The following TXNDC11 variants were observed in gnomAD, a reference collection of about 807,000 sequenced individuals.
The protein encoded by TXNDC11 is thioredoxin domain containing 11.
TXNDC11 carries 68 observed loss-of-function variants against 78.0 expected under a neutral mutation model. The ratio of observed to expected loss-of-function variants is 0.87; its 90% CI spans 0.72 to 1.07. The LOEUF is 1.07. TXNDC11 is among the 50% of genes least tolerant of loss of function. TXNDC11 has a pLI of 0.00. For missense variants in TXNDC11, 1,389 were observed against 1,221.8 expected (o/e 1.14, Z -2.04); for synonymous variants, 571 against 495.2 (o/e 1.15, Z -2.03).
At chr16:11,704,170 C>G (rs1281662365) in intron 5 of TXNDC11, among the ~76,000 whole-genome samples, 6 of 152,080 alleles carry the variant, frequency 3.9e-5, no homozygotes, top group African/African-American at 1.4e-4. Flanking sequence ...CAAGCTGAAG[C>G]CCTCCTAGTA....
chr16:11,742,738 T>G lies in TXNDC11; in HGVS notation c.-8A>C. 6.8e-7 allele frequency: 1 copy of G among 1,466,578 alleles called. No homozygotes were observed. The highest frequency in any genetic ancestry group is 8.9e-7 in the Non-Finnish European group (1 of 1,117,980). 90.8% of individuals were successfully genotyped at this position (1,466,578 alleles called of 1,614,324 possible). A position where few individuals can be genotyped will look rare whatever the true frequency, so the allele number is the denominator to read the frequency against. ...GCCTCCGCATTCCGACATTACATGCTCCCAGTCGCCGGCTTTATACCGCCG... is the reference window on the plus strand; with the variant it reads ...GCCTCCGCATTCCGACATTACATGCGCCCAGTCGCCGGCTTTATACCGCCG... On this transcript the variant is annotated 5_prime_UTR_variant, in exon 1 of 12. Coordinates refer to ENST00000283033, the MANE Select transcript of TXNDC11 (RefSeq NM_015914.7).
chr16:11,696,945 C>A (rs1031563812), intron 7 of TXNDC11, among the ~76,000 whole-genome samples: 1 of 152,174 alleles, frequency 6.6e-6, no homozygotes, highest in Non-Finnish European at 1.5e-5. Context: ...AGCCACACCA[C>A]CTTGACCGAA....
At chr16:11,734,906 A>G (rs992200634) in intron 2 of TXNDC11, among the ~76,000 whole-genome samples, 1 of 152,316 alleles carries the variant, frequency 6.6e-6, no homozygotes, top group East Asian at 1.9e-4. Flanking sequence ...GCTACAGTGC[A>G]TACGTAGGGC....
intron 10 of TXNDC11, among the ~76,000 whole-genome samples, 188 bp from the exon 11 acceptor site, chr16:11,684,433 C>G (rs966648645): frequency 1.3e-5 from 2 of 152,150 alleles, no homozygotes; most frequent in African/African-American, 4.8e-5. Context: ...CAACATTCTA[C>G]TACGTGGACG....
chr16:11,727,302 C>T (rs1438071836), intron 4 of TXNDC11, among the ~76,000 whole-genome samples: 2 of 150,518 alleles, frequency 1.3e-5, no homozygotes, highest in Non-Finnish European at 2.9e-5. Flanking sequence ...ATGTTACAAA[C>T]ATATCTAACA....
chr16:11,692,345 GTTAC>G (rs1429899264), intron 7 of TXNDC11: 1 of 396,524 alleles, frequency 2.5e-6, no homozygotes, highest in Non-Finnish European at 4.5e-6. Flanking sequence ...CTGCCAGCCT[GTTAC>G]TTAGTAGCCA....
chr16:11,726,224 CG>C (rs1567342157), intron 4 of TXNDC11, among the ~76,000 whole-genome samples: 4 of 42,996 alleles, frequency 9.3e-5, no homozygotes, highest in Non-Finnish European at 1.7e-4. Context: ...TAATGATTAG[CG>C]CAATGTGATA....
chr16:11,724,369 A>G (rs1039047958), intron 4 of TXNDC11, among the ~76,000 whole-genome samples: 1 of 152,212 alleles, frequency 6.6e-6, no homozygotes, highest in African/African-American at 2.4e-5. Flanking sequence ...TGATGTCCAA[A>G]CAATACTGAA....
intron 6 of TXNDC11, among the ~76,000 whole-genome samples, chr16:11,699,391 T>C (rs1021306006): frequency 2.0e-5 from 3 of 152,166 alleles, no homozygotes; most frequent in Non-Finnish European, 4.4e-5. Flanking sequence ...AAATGACAGA[T>C]AGCAAAAGCA....
intron 5 of TXNDC11, among the ~76,000 whole-genome samples, chr16:11,704,833 A>G (rs771332594): frequency 6.6e-6 from 1 of 152,112 alleles, no homozygotes; most frequent in Non-Finnish European, 1.5e-5. Flanking sequence ...AAAAACAGAC[A>G]CTAGTGGAAA....
At chr16:11,682,108 G>T (rs912585690) in intron 11 of TXNDC11, among the ~76,000 whole-genome samples, 3 of 152,196 alleles carry the variant, frequency 2.0e-5, no homozygotes, top group Non-Finnish European at 2.9e-5. Flanking sequence ...GCATAAGCAG[G>T]TGGACAATGA....
At chr16:11,731,778 A>T (rs2052059862) in intron 3 of TXNDC11, among the ~76,000 whole-genome samples, 1 of 152,182 alleles carries the variant, frequency 6.6e-6, no homozygotes, top group African/African-American at 2.4e-5. Flanking sequence ...GAATATTAGC[A>T]TGAAAAAAAG....
intron 3 of TXNDC11, among the ~76,000 whole-genome samples, chr16:11,733,479 A>G (rs1402892704): frequency 1.3e-5 from 2 of 151,806 alleles, no homozygotes; most frequent in East Asian, 1.9e-4. Flanking sequence ...GTGAGCGGAG[A>G]TCGCGCCACT....
chr16:11,705,328 G>C (rs2051151779), intron 5 of TXNDC11, among the ~76,000 whole-genome samples: 1 of 152,220 alleles, frequency 6.6e-6, no homozygotes, highest in Non-Finnish European at 1.5e-5. Flanking sequence ...TTTTCTCTAA[G>C]TATAGAATTA....
At chr16:11,702,727 T>C (rs1487031683) in intron 5 of TXNDC11, among the ~76,000 whole-genome samples, 3 of 152,110 alleles carry the variant, frequency 2.0e-5, no homozygotes, top group Non-Finnish European at 4.4e-5. Flanking sequence ...ACATCAAATA[T>C]TACCAAATTA....
intron 4 of TXNDC11, among the ~76,000 whole-genome samples, chr16:11,725,571 G>A (rs1049258198): frequency 6.6e-5 from 10 of 152,162 alleles, no homozygotes; most frequent in Non-Finnish European, 5.9e-5. Flanking sequence ...CTGGGCTGTC[G>A]TCCAGTCTCC....
intron 11 of TXNDC11, 37 bp downstream of exon 11, chr16:11,684,128 T>C: frequency 7.0e-7 from 1 of 1,420,884 alleles, no homozygotes; most frequent in South Asian, 1.2e-5. Context: ...CACAAAAGAA[T>C]CCCAACTGCC....
chr16:11,738,248 G>A (rs1401890402), intron 1 of TXNDC11, among the ~76,000 whole-genome samples: 4 of 152,298 alleles, frequency 2.6e-5, no homozygotes, highest in South Asian at 4.1e-4. Flanking sequence ...AGTATCCAAC[G>A]GAGCAAGTCA....
chr16:11,687,565 G>A (rs985463737), intron 10 of TXNDC11, among the ~76,000 whole-genome samples: 4 of 152,144 alleles, frequency 2.6e-5, no homozygotes, highest in African/African-American at 4.8e-5. Flanking sequence ...GGTATTCCAC[G>A]GGGCCATCCT....
Sources: gnomAD v4.1 joint callset for allele counts (sites outside exome capture counted in the v4.1 genomes callset) on GRCh38, gnomAD v4.1.1 for gene constraint, MANE v1.5 for transcripts, NCBI Gene and HGNC (gene_info 2026-07-23, HGNC 2026-07-21) for gene names.